Variants in SYNPR observed in about 807,000 individuals in gnomAD.
The protein encoded by SYNPR is synaptoporin.
SYNPR carries 23 observed loss-of-function variants against 32.9 expected under a neutral mutation model. The observed-to-expected ratio is 0.70, with a 90% CI of 0.50 to 0.99. SYNPR has a LOEUF of 0.99. Among genes scored for constraint, SYNPR ranks in the 50% least tolerant of loss-of-function variants. The pLI, the probability that SYNPR is intolerant of heterozygous loss-of-function variation, is 0.00. For synonymous variants in SYNPR, 146 were observed against 135.9 expected (o/e 1.07, Z -0.52); for missense variants, 318 against 349.3 (o/e 0.91, Z 0.71).
chr3:63,456,852 CT>C (rs1322426468), intron 2 of SYNPR, among the ~76,000 whole-genome samples: 1 of 152,066 alleles, frequency 6.6e-6, no homozygotes, highest in East Asian at 1.9e-4. Context: ...CCTTTAAGTC[CT>C]CATCCTCAAA....
intron 4 of SYNPR, among the ~76,000 whole-genome samples, chr3:63,598,041 A>G (rs1306362841): frequency 6.6e-6 from 1 of 152,204 alleles, no homozygotes; most frequent in Non-Finnish European, 1.5e-5. Flanking sequence ...GACTCTCTGA[A>G]CTGTCCAATT....
chr3:63,389,837 G>A lies in SYNPR; in HGVS notation c.85-90995G>A, dbSNP rs147461470. 4.1e-4 allele frequency among the ~76,000 whole-genome samples: 63 copies of A among 152,296 alleles called. 1 individual carries two copies. In the East Asian group the frequency reaches 0.012, roughly 28 times the overall value. On this transcript the variant is annotated intron_variant, in intron 2 of 5. Transcript: ENST00000478300. ...TTCTTTCACTGTTCTCACATATAAA[G>A]TGGAGCAGATGATTCTGACTTTGCA... is the stretch of plus-strand genomic sequence containing the variant.
chr3:63,520,058 C>CT (rs1354195530), intron 3 of SYNPR, among the ~76,000 whole-genome samples: 2 of 152,048 alleles, frequency 1.3e-5, no homozygotes, highest in African/African-American at 2.4e-5. Flanking sequence ...TTTTAACCTG[C>CT]TTTTTTCACA....
In SYNPR at chr3:63,612,548, A is replaced by G. The variant is rs145200459; in HGVS notation, c.601-2676A>G. On this transcript the variant is annotated intron_variant, in intron 5 of 5. Transcript: ENST00000478300. Reference sequence around the variant, plus strand: ...TTCAATCTCTCTTTCTGTTGTCCCCAAGTCTGAGCTTGAATCACATTCTTA... The same window carrying G: ...TTCAATCTCTCTTTCTGTTGTCCCCGAGTCTGAGCTTGAATCACATTCTTA... 2.5e-3 allele frequency among the ~76,000 whole-genome samples: 378 copies of G among 152,250 alleles called. 1 individual carries two copies. Among genetic ancestry groups the G allele is most frequent in the African/African-American group, 8.9e-3 (368 of 41,542 alleles).
At chr3:63,401,259 A>G (rs2088286518) in intron 2 of SYNPR, among the ~76,000 whole-genome samples, 1 of 152,142 alleles carries the variant, frequency 6.6e-6, no homozygotes, top group Non-Finnish European at 1.5e-5. Flanking sequence ...GGATAGCTGA[A>G]TTTTCTTATG....
chr3:63,382,358 G>C (rs892637072), intron 2 of SYNPR, among the ~76,000 whole-genome samples: 2 of 152,218 alleles, frequency 1.3e-5, no homozygotes, highest in African/African-American at 2.4e-5. Context: ...GGAGTAGTTA[G>C]GGTTCTCCAT....
chr3:63,556,862 T>G, intron 4 of SYNPR, 121 bp downstream of exon 4: 1 of 963,490 alleles, frequency 1.0e-6, no homozygotes, highest in South Asian at 2.0e-5. Context: ...AATCACATTC[T>G]TTTTTATCCA....
intron 2 of SYNPR, among the ~76,000 whole-genome samples, chr3:63,334,417 A>G (rs2106988683): frequency 6.6e-6 from 1 of 152,274 alleles, no homozygotes; most frequent in East Asian, 1.9e-4. Context: ...TAGTCAAGAG[A>G]GATCAGGTAC....
At chr3:63,274,817 G>A (rs960795012), upstream of SYNPR, among the ~76,000 whole-genome samples, 18 of 152,192 alleles carry the variant, frequency 1.2e-4, no homozygotes, top group African/African-American at 4.3e-4. Context: ...GAAGCCAGTA[G>A]TGTCATCTCC....
At chr3:63,581,942 G>A (rs933189785) in intron 4 of SYNPR, among the ~76,000 whole-genome samples, 5 of 152,002 alleles carry the variant, frequency 3.3e-5, no homozygotes, top group Non-Finnish European at 5.9e-5. Context: ...CCATAATTTG[G>A]CTTTCACATT....
At chr3:63,565,967 A>G (rs952511780) in intron 4 of SYNPR, among the ~76,000 whole-genome samples, 1 of 152,008 alleles carries the variant, frequency 6.6e-6, no homozygotes, top group Admixed American at 6.6e-5. Flanking sequence ...CTTCAGCCCA[A>G]CCTAAACATT....
At chr3:63,401,428 A>C (rs947453547) in intron 2 of SYNPR, among the ~76,000 whole-genome samples, 5 of 152,184 alleles carry the variant, frequency 3.3e-5, no homozygotes, top group Non-Finnish European at 7.3e-5. Context: ...AGAACTGTAT[A>C]AGGCGTGGCT....
At chr3:63,317,600 C>T (rs761233756) in intron 2 of SYNPR, among the ~76,000 whole-genome samples, 4 of 151,816 alleles carry the variant, frequency 2.6e-5, no homozygotes, top group Non-Finnish European at 5.9e-5. Context: ...TTTTTCCAAC[C>T]CTTTAAGTTT....
intron 2 of SYNPR, among the ~76,000 whole-genome samples, chr3:63,331,049 G>A (rs1406204856): frequency 1.3e-5 from 2 of 152,134 alleles, no homozygotes; most frequent in Non-Finnish European, 2.9e-5. Flanking sequence ...TTGTAAGGAA[G>A]GTATTGGCCT....
At chr3:63,244,718 C>G (rs1255255567) in intron 1 of SYNPR, among the ~76,000 whole-genome samples, 1 of 152,074 alleles carries the variant, frequency 6.6e-6, no homozygotes, top group Non-Finnish European at 1.5e-5. Context: ...TTAGGACTAT[C>G]AATCTATTGA....
intron 2 of SYNPR, among the ~76,000 whole-genome samples, chr3:63,286,379 C>G (rs1201693449): frequency 6.6e-6 from 1 of 152,144 alleles, no homozygotes; most frequent in East Asian, 1.9e-4. Context: ...CACAGTGGCC[C>G]CAACTGAATT....
chr3:63,517,861 A>C (rs913413512), intron 3 of SYNPR, among the ~76,000 whole-genome samples: 2 of 152,180 alleles, frequency 1.3e-5, no homozygotes, highest in African/African-American at 4.8e-5. Flanking sequence ...TACTGGATAC[A>C]TTCTCTGTCC....
chr3:63,506,444 G>A, intron 3 of SYNPR, among the ~76,000 whole-genome samples: 1 of 152,060 alleles, frequency 6.6e-6, no homozygotes, highest in East Asian at 1.9e-4. Flanking sequence ...GAATGAGTTA[G>A]GCCAGTGATC....
At chr3:63,290,702 T>C (rs750434193) in intron 2 of SYNPR, among the ~76,000 whole-genome samples, 3 of 152,180 alleles carry the variant, frequency 2.0e-5, no homozygotes, top group Non-Finnish European at 2.9e-5. Flanking sequence ...AGTAAGATTA[T>C]GAACATCCAA....
Sources: gnomAD v4.1 joint callset for allele counts (sites outside exome capture counted in the v4.1 genomes callset) on GRCh38, gnomAD v4.1.1 for gene constraint, MANE v1.5 for transcripts, NCBI Gene and HGNC (gene_info 2026-07-23, HGNC 2026-07-21) for gene names.